The following CHCHD6 variants were observed in gnomAD, a reference collection of about 807,000 sequenced individuals.
The protein encoded by CHCHD6 is coiled-coil-helix-coiled-coil-helix domain containing 6.
Under a neutral mutation model 32.3 loss-of-function variants are expected in CHCHD6, and 28 were observed. The ratio of observed to expected loss-of-function variants is 0.87; its 90% CI spans 0.64 to 1.19. The LOEUF is 1.19. Ranked by LOEUF, CHCHD6 falls within the 50% of genes most tolerant of loss-of-function variation. The pLI, the probability that CHCHD6 is intolerant of heterozygous loss-of-function variation, is 0.00. For synonymous variants in CHCHD6, 122 were observed against 117.5 expected (o/e 1.04, Z -0.25); for missense variants, 333 against 307.0 (o/e 1.08, Z -0.63).
intron 5 of CHCHD6, among the ~76,000 whole-genome samples, chr3:126,898,515 TTTAG>T (rs1180037139): frequency 1.9e-4 from 29 of 152,212 alleles, no homozygotes; most frequent in African/African-American, 2.6e-4. Context: ...AATTTATTTA[TTTAG>T]TTAGTTAGTT....
chr3:126,750,520 A>T (rs910996866), intron 4 of CHCHD6, among the ~76,000 whole-genome samples: 1 of 152,204 alleles, frequency 6.6e-6, no homozygotes, highest in African/African-American at 2.4e-5. Context: ...CCCTCCTGGG[A>T]ATTGCTTCAG....
At chr3:126,876,582 A>T (rs1011682207) in intron 5 of CHCHD6, among the ~76,000 whole-genome samples, 1 of 152,346 alleles carries the variant, frequency 6.6e-6, no homozygotes, top group Admixed American at 6.5e-5. Flanking sequence ...CACTTCCCTC[A>T]TGAACATGTG....
At chr3:126,910,666 G>C (rs984036488) in intron 5 of CHCHD6, among the ~76,000 whole-genome samples, 1 of 152,182 alleles carries the variant, frequency 6.6e-6, no homozygotes, top group Non-Finnish European at 1.5e-5. Context: ...GTTTATAATA[G>C]TAGAAGACTA....
At chr3:126,852,808 G>A in intron 5 of CHCHD6, 78 bp downstream of exon 5, 1 of 975,714 alleles carries the variant, frequency 1.0e-6, no homozygotes, top group Non-Finnish European at 1.6e-6. Context: ...TGTCATGGGG[G>A]GAGAGAGGAG....
At chr3:126,833,266 G>A (rs1015670731) in intron 4 of CHCHD6, among the ~76,000 whole-genome samples, 1 of 152,136 alleles carries the variant, frequency 6.6e-6, no homozygotes, top group Non-Finnish European at 1.5e-5. Flanking sequence ...GAAGTTGGGG[G>A]TACATTTCAT....
intron 5 of CHCHD6, among the ~76,000 whole-genome samples, chr3:126,875,540 A>G (rs1158477831): frequency 1.3e-5 from 2 of 152,226 alleles, no homozygotes; most frequent in African/African-American, 4.8e-5. Context: ...CAGAGGGGAA[A>G]GAGCTGGAGA....
intron 1 of CHCHD6, among the ~76,000 whole-genome samples, chr3:126,721,377 T>C (rs973491413): frequency 6.6e-6 from 1 of 152,198 alleles, no homozygotes; most frequent in Non-Finnish European, 1.5e-5. Flanking sequence ...ATGAAGCTTC[T>C]GCCTTCTGCA....
At chr3:126,918,164 A>G (rs2078197451) in intron 6 of CHCHD6, among the ~76,000 whole-genome samples, 1 of 152,252 alleles carries the variant, frequency 6.6e-6, no homozygotes, top group South Asian at 2.1e-4. Flanking sequence ...TTAAACATCT[A>G]GAGAAATCTT....
At chr3:126,808,538 T>C (rs1455869871) in intron 4 of CHCHD6, among the ~76,000 whole-genome samples, 1 of 152,212 alleles carries the variant, frequency 6.6e-6, no homozygotes, top group Non-Finnish European at 1.5e-5. Context: ...TGCCATGAGC[T>C]TTATCAAGTT....
chr3:126,788,569 C>T (rs575762399), intron 4 of CHCHD6, among the ~76,000 whole-genome samples: 60 of 152,214 alleles, frequency 3.9e-4, no homozygotes, highest in Non-Finnish European at 7.1e-4. Context: ...CCTATGTGTC[C>T]AGGAATTTAT....
chr3:126,744,351 A>G (rs1936405951), intron 4 of CHCHD6, among the ~76,000 whole-genome samples: 1 of 152,234 alleles, frequency 6.6e-6, no homozygotes, highest in African/African-American at 2.4e-5. Context: ...GGGAGATGCC[A>G]TTGCTGGCTA....
chr3:126,803,914 C>G (rs533853714), intron 4 of CHCHD6, among the ~76,000 whole-genome samples: 3 of 152,324 alleles, frequency 2.0e-5, no homozygotes, highest in Admixed American at 2.0e-4. Flanking sequence ...GAAACTCACT[C>G]AAAACCGCTC....
At chr3:126,809,729 T>C (rs1035716746) in intron 4 of CHCHD6, among the ~76,000 whole-genome samples, 4 of 152,234 alleles carry the variant, frequency 2.6e-5, no homozygotes, top group African/African-American at 7.2e-5. Flanking sequence ...AAACAAGGTA[T>C]CTATATGTAA....
chr3:126,719,178 T>G (rs1935161160), intron 1 of CHCHD6, among the ~76,000 whole-genome samples: 1 of 152,234 alleles, frequency 6.6e-6, no homozygotes, highest in African/African-American at 2.4e-5. Flanking sequence ...TCTGGTCCCT[T>G]TCTTTTAATT....
intron 5 of CHCHD6, among the ~76,000 whole-genome samples, chr3:126,867,746 TG>T (rs148628046): frequency 0.057 from 8,685 of 152,244 alleles, 782 homozygotes; most frequent in African/African-American, 0.19. Flanking sequence ...CCCAATCCAC[TG>T]GTGACCAAGT....
intron 4 of CHCHD6, among the ~76,000 whole-genome samples, chr3:126,814,515 T>TTAACCTTA (rs1939792332): frequency 6.6e-6 from 1 of 152,198 alleles, no homozygotes; most frequent in Non-Finnish European, 1.5e-5. Flanking sequence ...TAAGGTTAAG[T>TTAACCTTA]TGATCACCAA....
intron 4 of CHCHD6, among the ~76,000 whole-genome samples, chr3:126,831,286 A>G (rs1940631335): frequency 6.6e-6 from 1 of 151,718 alleles, no homozygotes; most frequent in African/African-American, 2.4e-5. Context: ...CGGCCTCCCA[A>G]AGTGCTGAGA....
chr3:126,877,769 G>A (rs2077558330), intron 5 of CHCHD6, among the ~76,000 whole-genome samples: 1 of 152,194 alleles, frequency 6.6e-6, no homozygotes, highest in South Asian at 2.1e-4. Context: ...ATCAATTAGT[G>A]GATCAGTGGT....
intron 5 of CHCHD6, among the ~76,000 whole-genome samples, chr3:126,854,232 G>T (rs1941573010): frequency 6.6e-6 from 1 of 152,174 alleles, no homozygotes; most frequent in Non-Finnish European, 1.5e-5. Flanking sequence ...GCATATGCAG[G>T]TGTGGGCTTT....
Sources: gnomAD v4.1 joint callset for allele counts (sites outside exome capture counted in the v4.1 genomes callset) on GRCh38, gnomAD v4.1.1 for gene constraint, MANE v1.5 for transcripts, NCBI Gene and HGNC (gene_info 2026-07-23, HGNC 2026-07-21) for gene names.